The following PTPN5 variants were observed in gnomAD, a reference collection of about 807,000 sequenced individuals.
PTPN5 encodes protein tyrosine phosphatase non-receptor type 5, also known as tyrosine-protein phosphatase non-receptor type 5.
In PTPN5, 29 loss-of-function variants were observed where a neutral mutation model predicts 73.9. That is an observed-to-expected ratio of 0.39 (90% CI 0.29 to 0.54). The LOEUF (loss-of-function observed/expected upper bound fraction) is 0.54. Among genes scored for constraint, PTPN5 ranks in the 20% least tolerant of loss-of-function variants. The probability of loss-of-function intolerance (pLI) is 0.65; values close to 1 mark genes in which losing one functional copy is unlikely to be tolerated. For missense variants in PTPN5, 652 were observed against 751.4 expected (o/e 0.87, Z 1.55); for synonymous variants, 267 against 304.7 (o/e 0.88, Z 1.29).
At position 18,742,354 on chromosome 11, in the gene PTPN5, C is replaced by T. The variant is rs770192232; in HGVS notation, c.633G>A (p.Val211=). The part of the protein sequence containing the change: ...IEDDFLDLDP[V]PETPVFDCVM... ...CACAATCAAACACAGGAGTCTCGGG[C>T]ACCGGGTCGAGGTCCAGGAAGTCAT... Residue 211 remains valine, a synonymous_variant, in exon 7 of 15, where the codon GTG becomes GTA. Transcript: ENST00000358540. The surrounding 1 kb of genome is among the most constrained non-coding windows in gnomAD (Gnocchi z 4.1). 3 of 1,614,170 alleles carry T rather than the reference C, an allele frequency of 1.9e-6. No homozygotes were observed. The South Asian group carries it at 3.3e-5, about 18-fold the overall frequency.
intron 12 of PTPN5, among the ~76,000 whole-genome samples, chr11:18,732,203 G>C (rs938558395): frequency 2.0e-5 from 3 of 152,236 alleles, no homozygotes; most frequent in Admixed American, 1.3e-4. Flanking sequence ...CAGGTGAAGA[G>C]ATGTTTCTAA....
intron 9 of PTPN5, among the ~76,000 whole-genome samples, chr11:18,735,513 A>C (rs1303675213): frequency 1.3e-5 from 2 of 152,118 alleles, no homozygotes; most frequent in African/African-American, 4.8e-5. Context: ...CTTATAAACC[A>C]GGCTTAGAAA....
Position 18,744,076 on chromosome 11 carries a change from G to A in PTPN5, c.221C>T (p.Pro74Leu). ...GAGGGAGTGGCTCCCAGCGCCTCGAGGTGGTGGCTTCTGAGCTGGATCTGA... is the reference window on the plus strand; with the variant it reads ...GAGGGAGTGGCTCCCAGCGCCTCGAAGTGGTGGCTTCTGAGCTGGATCTGA... ...PPSDPAQKPP[P>L]RGAGSHSLTV... The change falls in exon 4 of 15, where the codon CCT becomes CTT. Residue 74 changes from proline to leucine, a missense_variant. Coordinates refer to ENST00000358540, the MANE Select transcript of PTPN5 (RefSeq NM_006906.2). 6.2e-7 allele frequency: 1 copy of A among 1,610,446 alleles called. No individual in the cohort carries two copies. The highest frequency in any genetic ancestry group is 8.5e-7 in the Non-Finnish European group (1 of 1,178,526).
chr11:18,764,515 T>C (rs534087755), intron 3 of PTPN5, among the ~76,000 whole-genome samples: 339 of 152,196 alleles, frequency 2.2e-3, no homozygotes, highest in Non-Finnish European at 4.1e-3. Context: ...GGGCACTGAG[T>C]GTGGTGTGAA....
intron 3 of PTPN5, among the ~76,000 whole-genome samples, chr11:18,754,783 T>C (rs1850051421): frequency 6.6e-6 from 1 of 152,220 alleles, no homozygotes; most frequent in Non-Finnish European, 1.5e-5. Flanking sequence ...TTTGATGTAC[T>C]TTTCTCTCAT....
intron 1 of PTPN5, among the ~76,000 whole-genome samples, chr11:18,783,610 C>T (rs148827833): frequency 5.2e-3 from 797 of 152,242 alleles, no homozygotes; most frequent in African/African-American, 0.014. Context: ...TAACAGAAAC[C>T]GTCTTCACTG....
At chr11:18,782,654 C>T (rs1000996608) in intron 1 of PTPN5, among the ~76,000 whole-genome samples, 2 of 152,112 alleles carry the variant, frequency 1.3e-5, no homozygotes, top group East Asian at 1.9e-4. Flanking sequence ...TGAACTTTTG[C>T]GGGTGATGGA....
intron 3 of PTPN5, among the ~76,000 whole-genome samples, chr11:18,745,152 A>C (rs1198618672): frequency 3.3e-5 from 5 of 152,324 alleles, no homozygotes; most frequent in East Asian, 1.9e-4. Context: ...GTCTGCACCC[A>C]AACTCACAGG....
rs1274904149 is a variant in PTPN5, at chr11:18,729,700, T to A, written c.1448A>T (p.Gln483Leu). The change falls in exon 13 of 15, where the codon CAG becomes CTG. Residue 483 changes from glutamine to leucine, a missense_variant. Around this residue, in one of 3 missense-constraint regions of PTPN5, gnomAD observed 102 missense variants for 160.5 expected, o/e 0.64. Transcript: ENST00000358540. This position sits in a 1 kb window ranked among gnomAD's most constrained non-coding sequence, Gnocchi z 5.2. ...GGGGGCACAGTGGGGCCCCTCCTGCTGGGCTGCCTCCTCCACCTCCCGCAC... is the reference window on the plus strand; with the variant it reads ...GGGGGCACAGTGGGGCCCCTCCTGCAGGGCTGCCTCCTCCACCTCCCGCAC... ...HLVREVEEAA[Q>L]QEGPHCAPII... is the part of the protein sequence containing the mutation. The A allele has an allele frequency of 6.3e-7, 1 of 1,583,956 alleles. No individual in the cohort carries two copies. Among genetic ancestry groups the A allele is most frequent in the Non-Finnish European group, 8.6e-7 (1 of 1,162,080 alleles).
intron 1 of PTPN5, among the ~76,000 whole-genome samples, chr11:18,784,921 T>C (rs763904025): frequency 1.4e-4 from 21 of 152,204 alleles, no homozygotes; most frequent in Non-Finnish European, 2.6e-4. Context: ...CGGCGCTATC[T>C]TGGCTCACTG....
intron 9 of PTPN5, among the ~76,000 whole-genome samples, chr11:18,737,423 A>G (rs2134205926): frequency 6.6e-6 from 1 of 152,186 alleles, no homozygotes; most frequent in East Asian, 1.9e-4. Context: ...CACACTCCAC[A>G]CAGTGTAGAC....
intron 8 of PTPN5, among the ~76,000 whole-genome samples, chr11:18,739,736 C>G (rs952559995): frequency 6.6e-6 from 1 of 152,220 alleles, no homozygotes. Flanking sequence ...TACTCTTGGC[C>G]TCTTGCCTTT....
chr11:18,784,564 G>A (rs983205643), intron 1 of PTPN5, among the ~76,000 whole-genome samples: 1 of 152,162 alleles, frequency 6.6e-6, no homozygotes, highest in Non-Finnish European at 1.5e-5. Flanking sequence ...TTCTGGAGAT[G>A]GACAGTGGTG....
chr11:18,746,195 A>AAAT (rs1554916253), intron 3 of PTPN5, among the ~76,000 whole-genome samples: 1 of 114,038 alleles, frequency 8.8e-6, no homozygotes, highest in Non-Finnish European at 1.8e-5. Context: ...ATATATATAC[A>AAAT]TTTTTTTTTT....
At chr11:18,743,512 C>T (rs755085011) in intron 4 of PTPN5, 83 bp from the exon 5 acceptor site, 2 of 1,265,364 alleles carry the variant, frequency 1.6e-6, no homozygotes, top group Non-Finnish European at 2.3e-6. Flanking sequence ...GCAGCCTCAA[C>T]CTGGCCCTGC....
upstream of PTPN5, chr11:18,791,807 A>T (rs1851946952): frequency 6.6e-6 from 1 of 151,956 alleles, no homozygotes; most frequent in Non-Finnish European, 1.5e-5. Context: ...TCGCTGGCGC[A>T]GCCGCCGGGT....
At chr11:18,777,425 A>G (rs1220237326) in intron 1 of PTPN5, among the ~76,000 whole-genome samples, 1 of 125,074 alleles carries the variant, frequency 8.0e-6, no homozygotes, top group Non-Finnish European at 1.8e-5. Context: ...GATCAGGGCC[A>G]GGAAGCTCCT....
rs770632314 is a variant in PTPN5 at position 18,732,664 on chromosome 11, G to A, written c.1257C>T (p.Tyr419=). ...TEYWPEEQVA[Y]DGVEITVQKV... is the part of the protein sequence containing the mutation. Reference sequence around the variant, plus strand: ...TCTGCACAGTGATCTCAACACCGTCGTACGCCACCTGCTCCTCCGGCCAAT... The same window carrying A: ...TCTGCACAGTGATCTCAACACCGTCATACGCCACCTGCTCCTCCGGCCAAT... The change falls in exon 12 of 15, where the codon TAC becomes TAT. Residue 419 remains tyrosine (Y), a synonymous_variant. Coordinates refer to ENST00000358540, the MANE Select transcript of PTPN5 (RefSeq NM_006906.2). The A allele has an allele frequency of 8.3e-5, 134 of 1,613,720 alleles. No homozygotes were observed. Among genetic ancestry groups the A allele is most frequent in the Middle Eastern group, 4.9e-4 (3 of 6,082 alleles).
At chr11:18,746,162 A>AAAATATATAT (rs1554916159) in intron 3 of PTPN5, among the ~76,000 whole-genome samples, 1 of 67,638 alleles carries the variant, frequency 1.5e-5, no homozygotes, top group African/African-American at 4.4e-5. Flanking sequence ...TATAAATATA[A>AAAATATATAT]ATATATATAT....
Sources: gnomAD v4.1 joint callset for allele counts (sites outside exome capture counted in the v4.1 genomes callset) on GRCh38, gnomAD v4.1.1 for gene constraint, gnomAD v4.1.1 regional missense constraint, Gnocchi (gnomAD v3.1) non-coding constraint, MANE v1.5 for transcripts, NCBI Gene and HGNC (gene_info 2026-07-23, HGNC 2026-07-21) for gene names.